The following DNAH17 variants were observed in gnomAD, a reference collection of about 807,000 sequenced individuals.
DNAH17 encodes the protein axonemal beta dynein heavy chain 17.
DNAH17 carries 376 observed loss-of-function variants against 485.6 expected under a neutral mutation model. That is an observed-to-expected ratio of 0.77 (90% CI 0.71 to 0.84). The LOEUF (loss-of-function observed/expected upper bound fraction) is 0.84, where lower values mean the gene tolerates loss of function less well. Ranked by LOEUF, DNAH17 falls within the 40% of genes least tolerant of loss-of-function variation. DNAH17 has a pLI of 0.00. For missense variants in DNAH17, 6,370 were observed against 5,839.3 expected (o/e 1.09, Z -2.96); for synonymous variants, 3,031 against 2,405.9 (o/e 1.26, Z -7.60).
At chr17:78,431,190 CT>C (rs11319231) in intron 75 of DNAH17, among the ~76,000 whole-genome samples, 147,998 of 152,308 alleles carry the variant, frequency 0.97, 72,045 homozygotes, top group East Asian at 1. Flanking sequence ...AGTCTCATGA[CT>C]TTTTTACTCA....
chr17:78,516,158 A>G (rs1353793905), intron 25 of DNAH17, among the ~76,000 whole-genome samples: 2 of 152,348 alleles, frequency 1.3e-5, no homozygotes, highest in African/African-American at 2.4e-5. Context: ...TAATCTACAC[A>G]GGAGTTGATG....
intron 26 of DNAH17, among the ~76,000 whole-genome samples, chr17:78,512,157 TCTC>T (rs2090651754): frequency 6.6e-6 from 1 of 152,142 alleles, no homozygotes; most frequent in Non-Finnish European, 1.5e-5. Context: ...TTGTCCCCAT[TCTC>T]CTACTTCCTG....
At position 78,476,561 on chromosome 17, in the gene DNAH17, G is replaced by T; in HGVS notation, c.8154+11C>A. On this transcript the variant is annotated intron_variant, in intron 52 of 80. Coordinates refer to ENST00000389840, the MANE Select transcript of DNAH17 (RefSeq NM_173628.4). ...CTGGGCTCGGCAGAGGGACTGGGCA[G>T]CTTGACTTACATCAAAGAACTTCTT... The T allele has an allele frequency of 6.2e-7, 1 of 1,605,534 alleles. No homozygotes were observed. The highest frequency in any genetic ancestry group is 8.5e-7 in the Non-Finnish European group (1 of 1,175,978).
At chr17:78,531,384 G>A (rs2091234266) in intron 20 of DNAH17, among the ~76,000 whole-genome samples, 1 of 146,940 alleles carries the variant, frequency 6.8e-6, no homozygotes, top group Admixed American at 6.9e-5. Flanking sequence ...CTGTCACCAG[G>A]CTGGAGTGCA....
intron 36 of DNAH17, chr17:78,499,417 G>A (rs1382083701): frequency 2.1e-5 from 4 of 194,114 alleles, no homozygotes; most frequent in African/African-American, 1.0e-4. Flanking sequence ...AACCTTGCAT[G>A]TTTTCTCAGC....
intron 78 of DNAH17, 109 bp from the exon 79 acceptor site, chr17:78,426,709 T>C: frequency 6.9e-7 from 1 of 1,451,686 alleles, no homozygotes; most frequent in Non-Finnish European, 9.3e-7. Flanking sequence ...GTGCTGCGCC[T>C]CTGGAGACGC....
In DNAH17 at chr17:78,437,684, C is replaced by G; in HGVS notation, c.11990G>C (p.Gly3997Ala). 6.2e-7 allele frequency: 1 copy of G among 1,611,822 alleles called. No individual in the cohort carries two copies. The highest frequency in any genetic ancestry group is 1.1e-5 in the South Asian group (1 of 90,956). ...GGCCTTGTGCAAGTTGGCGTGCATG[C>G]CCGTGGGGGGCTCGTTGGTGATCTT... ...AIKITNEPPT[G>A]MHANLHKALD... The change falls in exon 74 of 81, where the codon GGC becomes GCC. Residue 3997 changes from glycine to alanine, a missense_variant. By Grantham distance (60) the Gly-to-Ala change is moderately conservative (BLOSUM62 0). Transcript: ENST00000389840.
chr17:78,530,501 G>C lies in DNAH17; in HGVS notation c.3126C>G (p.Tyr1042Ter), dbSNP rs368915603. The C allele has an allele frequency of 6.2e-7, 1 of 1,604,834 alleles. No homozygotes were observed. Among genetic ancestry groups the C allele is most frequent in the South Asian group, 1.1e-5 (1 of 90,626 alleles). ...LAQFQEQIDS[Y>*]EKLYEEVSKC... is the part of the protein sequence containing the mutation. ...TGGACACCTCCTCATACAGCTTCTCGTAGGAGTCGATCTGGAAAACACGGC... is the reference window on the plus strand; with the variant it reads ...TGGACACCTCCTCATACAGCTTCTCCTAGGAGTCGATCTGGAAAACACGGC... The change falls in exon 21 of 81, where the codon TAC (tyrosine) becomes TAG (stop). Residue 1042 changes from tyrosine (Y) to a stop codon, truncating the protein, a stop_gained. Transcript: ENST00000389840. LOFTEE classifies it high-confidence loss of function.
intron 76 of DNAH17, 107 bp from the exon 77 acceptor site, chr17:78,428,814 C>A: frequency 7.5e-7 from 1 of 1,333,754 alleles, no homozygotes; most frequent in Admixed American, 1.8e-5. Context: ...ACCTTGCTGT[C>A]TGTACAGATC....
intron 7 of DNAH17, 126 bp downstream of exon 7, chr17:78,570,121 G>C (rs961048507): frequency 2.7e-6 from 3 of 1,127,158 alleles, no homozygotes; most frequent in Non-Finnish European, 3.7e-6. Flanking sequence ...GCCTGAAAAG[G>C]CTTGTGCTGA....
In DNAH17 at chr17:78,506,851, G is replaced by GAGGA. The variant is rs768092334; in HGVS notation, c.4677-9_4677-6dup. On this transcript the variant is annotated splice_region_variant and splice_polypyrimidine_tract_variant and intron_variant, in intron 29 of 80. Coordinates refer to ENST00000389840, the MANE Select transcript of DNAH17 (RefSeq NM_173628.4). ...GCCTTTTCACAGATGGCCAAGCTGGGAGGAAGGAAGGAAGTAGAGGAGGCC... is the reference window on the plus strand; with the variant it reads ...GCCTTTTCACAGATGGCCAAGCTGGGAGGAAGGAAGGAAGGAAGTAGAGGAGGCC... The GAGGA allele has an allele frequency of 1.5e-5, 25 of 1,613,828 alleles. No homozygotes were observed. The highest frequency in any genetic ancestry group is 1.9e-5 in the Non-Finnish European group (23 of 1,179,880).
intron 4 of DNAH17, 96 bp downstream of exon 4, chr17:78,571,494 A>AG: frequency 6.6e-7 from 1 of 1,514,946 alleles, no homozygotes; most frequent in South Asian, 1.1e-5. Flanking sequence ...CAGAGCCCTC[A>AG]GGACTCCTGG....
rs2091180126 is a variant in DNAH17, at chr17:78,529,775, G to A, written c.3285-81C>T. ...ATGGTACGGAGCCCCATGAGAGGGG[G>A]ACGACCGCGGTGAGGTCAACTGGCC... On this transcript the variant is annotated intron_variant, in intron 21 of 80. Coordinates refer to ENST00000389840, the MANE Select transcript of DNAH17 (RefSeq NM_173628.4). The A allele has an allele frequency of 9.1e-6, 13 of 1,433,994 alleles. 1 individual carries two copies. Among genetic ancestry groups the A allele is most frequent in the African/African-American group, 4.2e-5 (3 of 70,852 alleles). 88.8% of individuals were successfully genotyped at this position (1,433,994 alleles called of 1,614,324 possible). A position where few individuals can be genotyped will look rare whatever the true frequency, so the allele number is the denominator to read the frequency against.
In DNAH17 at chr17:78,572,611, C is replaced by CGGAGTGGGGT. The variant is rs907825751; in HGVS notation, c.539+80_539+89dup. 6.3e-4 allele frequency: 710 copies of CGGAGTGGGGT among 1,120,980 alleles called. 2 individuals are homozygous for CGGAGTGGGGT. In the African/African-American group the frequency reaches 0.011, roughly 17 times the overall value. The allele number at this position is 1,120,980 out of a possible 1,614,324, so 69.4% of individuals were successfully genotyped here. A position where few individuals can be genotyped will look rare whatever the true frequency, so the allele number is the denominator to read the frequency against. ...GCCACTCTGCAGGGAAACAACGGGT[C>CGGAGTGGGGT]GGAGTGGGGTGGAGTGGGGTGGGGG... On this transcript the variant is annotated intron_variant, in intron 3 of 80. Transcript: ENST00000389840.
At chr17:78,490,959 G>A (rs1455049669) in intron 43 of DNAH17, 112 bp from the exon 44 acceptor site, 24 of 1,326,054 alleles carry the variant, frequency 1.8e-5, no homozygotes, top group Non-Finnish European at 2.4e-5. Flanking sequence ...GAGGGGCCCA[G>A]GCCAGCCCTG....
chr17:78,503,114 C>T, intron 31 of DNAH17, 103 bp from the exon 32 acceptor site: 2 of 1,400,168 alleles, frequency 1.4e-6, no homozygotes, highest in Non-Finnish European at 1.9e-6. Context: ...TCTCATCATC[C>T]TCATCCCAGG....
chr17:78,541,953 G>A (rs940702763), intron 17 of DNAH17, among the ~76,000 whole-genome samples: 3 of 152,024 alleles, frequency 2.0e-5, no homozygotes, highest in Admixed American at 6.6e-5. Context: ...ACAGACTCTG[G>A]TTCAGTCAAG....
intron 43 of DNAH17, among the ~76,000 whole-genome samples, chr17:78,491,112 G>A (rs1349189615): frequency 6.6e-6 from 1 of 152,192 alleles, no homozygotes; most frequent in Non-Finnish European, 1.5e-5. Context: ...TCCCCATCCT[G>A]GAAAGTATTG....
chr17:78,502,305 A>G, intron 33 of DNAH17: 2 of 360,710 alleles, frequency 5.5e-6, no homozygotes, highest in South Asian at 9.4e-5. Context: ...ATTTCTAACC[A>G]AGGACATTTT....
Sources: gnomAD v4.1 joint callset for allele counts (sites outside exome capture counted in the v4.1 genomes callset) on GRCh38, gnomAD v4.1.1 for gene constraint, MANE v1.5 for transcripts, NCBI Gene and HGNC (gene_info 2026-07-23, HGNC 2026-07-21) for gene names.